RBMS3: variants seen among roughly 807,000 people sequenced by gnomAD.
RBMS3 encodes RNA-binding motif, single-stranded-interacting protein 3.
A neutral mutation model predicts 66.8 loss-of-function variants in RBMS3; 27 were observed. The observed-to-expected ratio is 0.40, with a 90% CI of 0.30 to 0.56. The LOEUF (loss-of-function observed/expected upper bound fraction) is 0.56. Ranked by LOEUF, RBMS3 falls within the 20% of genes least tolerant of loss-of-function variation. The pLI, the probability that RBMS3 is intolerant of heterozygous loss-of-function variation, is 0.40. For synonymous variants in RBMS3, 188 were observed against 183.0 expected (o/e 1.03, Z -0.22); for missense variants, 513 against 549.5 (o/e 0.93, Z 0.66).
chr3:29,549,466 C>T (rs893526499), intron 3 of RBMS3, among the ~76,000 whole-genome samples: 1 of 148,088 alleles, frequency 6.8e-6, no homozygotes, highest in East Asian at 2.0e-4. Flanking sequence ...GTGGCATGAT[C>T]TCAGCTCACT....
chr3:29,392,091 A>T (rs1275962099), intron 1 of RBMS3, among the ~76,000 whole-genome samples: 1 of 152,086 alleles, frequency 6.6e-6, no homozygotes, highest in African/African-American at 2.4e-5. Flanking sequence ...CTCTGCTAAA[A>T]ATACAAAACT....
intron 1 of RBMS3, among the ~76,000 whole-genome samples, chr3:29,432,295 T>C (rs780636217): frequency 2.6e-5 from 4 of 152,102 alleles, no homozygotes; most frequent in African/African-American, 7.2e-5. Context: ...AACAGCAACA[T>C]TGAAAGATAT....
At chr3:29,827,246 T>C (rs1030220532) in intron 6 of RBMS3, among the ~76,000 whole-genome samples, 1 of 152,190 alleles carries the variant, frequency 6.6e-6, no homozygotes, top group African/African-American at 2.4e-5. Context: ...CACTTATGGA[T>C]GCATTCTAAT....
chr3:29,349,844 A>C (rs1575592115), intron 1 of RBMS3, among the ~76,000 whole-genome samples: 1 of 152,256 alleles, frequency 6.6e-6, no homozygotes. Context: ...CCATCCCATG[A>C]ATCTCGATTT....
At chr3:29,709,059 G>C (rs540297232) in intron 4 of RBMS3, among the ~76,000 whole-genome samples, 1 of 152,116 alleles carries the variant, frequency 6.6e-6, no homozygotes, top group Non-Finnish European at 1.5e-5. Flanking sequence ...GCTGAAGTCC[G>C]ATCTGCGTCA....
At chr3:29,638,518 A>G (rs774261331) in intron 4 of RBMS3, among the ~76,000 whole-genome samples, 1 of 151,866 alleles carries the variant, frequency 6.6e-6, no homozygotes, top group Non-Finnish European at 1.5e-5. Context: ...ATTACTTGAT[A>G]GTTTATTCAT....
At chr3:29,886,714 T>C (rs1476626807) in intron 8 of RBMS3, among the ~76,000 whole-genome samples, 1 of 151,868 alleles carries the variant, frequency 6.6e-6, no homozygotes, top group Non-Finnish European at 1.5e-5. Flanking sequence ...TTATTTTTTT[T>C]TTTAGCAACA....
chr3:29,661,898 G>A (rs2050568488), intron 4 of RBMS3, among the ~76,000 whole-genome samples: 1 of 152,160 alleles, frequency 6.6e-6, no homozygotes, highest in African/African-American at 2.4e-5. Flanking sequence ...GAAGCTCCCA[G>A]AGCCTGGAAA....
chr3:29,594,516 C>A (rs1235267035), intron 4 of RBMS3, among the ~76,000 whole-genome samples: 3 of 152,182 alleles, frequency 2.0e-5, no homozygotes, highest in Admixed American at 2.0e-4. Context: ...TGCTCTATCT[C>A]ATTTCCTAAA....
At chr3:29,452,091 T>G (rs1164322115) in intron 2 of RBMS3, among the ~76,000 whole-genome samples, 3 of 152,196 alleles carry the variant, frequency 2.0e-5, no homozygotes, top group Non-Finnish European at 4.4e-5. Flanking sequence ...GGATGTCAAG[T>G]TATACATTTA....
At chr3:29,723,299 C>G (rs1019922089) in intron 4 of RBMS3, among the ~76,000 whole-genome samples, 8 of 152,102 alleles carry the variant, frequency 5.3e-5, no homozygotes, top group Non-Finnish European at 8.8e-5. Flanking sequence ...TTTACATACA[C>G]TGATCGTTCT....
At position 29,902,134 on chromosome 3, in the gene RBMS3, T is replaced by C. The variant is rs148135367; in HGVS notation, c.939+2379T>C. 4.4e-3 allele frequency among the ~76,000 whole-genome samples: 670 copies of C among 151,976 alleles called. 6 individuals are homozygous for C. Among genetic ancestry groups the C allele is most frequent in the African/African-American group, 0.016 (647 of 41,484 alleles). ...GCTCATTAGGACAGGAAACCCATTT[T>C]AGCAAGGGGGTATTGAGCTATTTAC... On this transcript the variant is annotated intron_variant, in intron 10 of 14. Coordinates refer to ENST00000383767, the MANE Select transcript of RBMS3 (RefSeq NM_001003793.3).
chr3:29,533,636 G>C lies in RBMS3; in HGVS notation c.307+45137G>C, dbSNP rs532443777. ...ACTAAAAATATAAAAACTTAGTGGG[G>C]CATGATGGCACATGCCTGTAGTCCC... On this transcript the variant is annotated intron_variant, in intron 3 of 14. Transcript: ENST00000383767. Among the ~76,000 whole-genome samples, 16 of 152,232 alleles carry C rather than the reference G, an allele frequency of 1.1e-4. 1 individual carries two copies. In the South Asian group the frequency reaches 3.1e-3, roughly 30 times the overall value.
intron 6 of RBMS3, among the ~76,000 whole-genome samples, chr3:29,866,073 A>C (rs1421382229): frequency 7.6e-6 from 1 of 131,638 alleles, no homozygotes; most frequent in East Asian, 2.3e-4. Flanking sequence ...TTAACACCAA[A>C]TACTAAAAAA....
chr3:29,746,291 A>G (rs1439822386), intron 5 of RBMS3, among the ~76,000 whole-genome samples: 3 of 152,140 alleles, frequency 2.0e-5, no homozygotes, highest in Non-Finnish European at 4.4e-5. Context: ...CTCCCTCGCT[A>G]TTTTGGCAAT....
intron 6 of RBMS3, among the ~76,000 whole-genome samples, chr3:29,772,817 A>G (rs2056267803): frequency 6.6e-6 from 1 of 152,098 alleles, no homozygotes; most frequent in African/African-American, 2.4e-5. Flanking sequence ...ATAGAAAAAA[A>G]AATCTTGTTA....
intron 6 of RBMS3, among the ~76,000 whole-genome samples, chr3:29,855,067 C>T (rs1051487377): frequency 1.1e-4 from 17 of 152,032 alleles, no homozygotes; most frequent in Non-Finnish European, 2.5e-4. Context: ...AAGTTATTCC[C>T]CTGTTTACCT....
At chr3:29,769,017 C>T (rs1441855624) in intron 6 of RBMS3, among the ~76,000 whole-genome samples, 2 of 151,834 alleles carry the variant, frequency 1.3e-5, no homozygotes, top group Admixed American at 6.6e-5. Context: ...AAGGTATTCA[C>T]TTCACTAAAA....
chr3:29,715,816 T>C (rs1434768372), intron 4 of RBMS3, among the ~76,000 whole-genome samples: 1 of 152,142 alleles, frequency 6.6e-6, no homozygotes, highest in African/African-American at 2.4e-5. Context: ...AATGAGGGGA[T>C]TGTCCAATTT....
Sources: gnomAD v4.1 joint callset for allele counts (sites outside exome capture counted in the v4.1 genomes callset) on GRCh38, gnomAD v4.1.1 for gene constraint, MANE v1.5 for transcripts, NCBI Gene and HGNC (gene_info 2026-07-23, HGNC 2026-07-21) for gene names.